Variants in LMNTD2 observed in about 807,000 individuals in gnomAD.
LMNTD2 encodes lamin tail domain containing 2, also known as lamin tail domain-containing protein 2.
Under a neutral mutation model 70.1 loss-of-function variants are expected in LMNTD2, and 83 were observed. The ratio of observed to expected loss-of-function variants is 1.18; its 90% CI spans 0.99 to 1.42. The LOEUF (loss-of-function observed/expected upper bound fraction) is 1.42. Ranked by LOEUF, LMNTD2 falls within the 40% of genes most tolerant of loss-of-function variation. LMNTD2 has a pLI of 0.00. For missense variants in LMNTD2, 1,153 were observed against 905.9 expected, an observed-to-expected ratio of 1.27 and a Z score of -3.50; for synonymous variants, 534 against 406.1, an observed-to-expected ratio of 1.31 and a Z score of -3.79.
rs972977314 is a variant in LMNTD2 at position 556,188 on chromosome 11, G to A, written c.1257+4C>T. ...CGGGGCCGGGCTCCCGGGCCGGGGC[G>A]CACCGTGACGTGGTGCCGCGGGGCC... On this transcript the variant is annotated splice_donor_region_variant and intron_variant, in intron 10 of 13. Transcript: ENST00000329451. 7.3e-7 allele frequency: 1 copy of A among 1,378,836 alleles called. No individual in the cohort carries two copies. The highest frequency in any genetic ancestry group is 9.3e-7 in the Non-Finnish European group (1 of 1,073,722). The allele number at this position is 1,378,836 out of a possible 1,614,324, so 85.4% of individuals were successfully genotyped here.
Position 556,392 on chromosome 11 carries a change from C to A in LMNTD2, c.1074-17G>T. On this transcript the variant is annotated splice_polypyrimidine_tract_variant and intron_variant, in intron 9 of 13. Coordinates refer to ENST00000329451, the MANE Select transcript of LMNTD2 (RefSeq NM_173573.3). ...CCTGTCGGGCTGGGAAGAGAGGAGA[C>A]GCTGTGAGGAGATGCGGCCGGTCCA... is the stretch of plus-strand genomic sequence containing the variant. 1 of 1,537,806 alleles carries A rather than the reference C, an allele frequency of 6.5e-7. No individual in the cohort carries two copies. Among genetic ancestry groups the A allele is most frequent in the Non-Finnish European group, 8.7e-7 (1 of 1,145,622 alleles).
At position 557,070 on chromosome 11, in the gene LMNTD2, G is replaced by C; in HGVS notation, c.741C>G (p.Asp247Glu). Residue 247 changes from aspartate (D) to glutamate (E), a missense_variant, in exon 8 of 14, where the codon GAC becomes GAG. Asp to Glu is a conservative substitution (Grantham distance 45, BLOSUM62 2). Coordinates refer to ENST00000329451, the MANE Select transcript of LMNTD2 (RefSeq NM_173573.3). ...QKQPRPWPQLDTGSPESSGKH... is the reference protein window; with the variant it reads ...QKQPRPWPQLETGSPESSGKH... The stretch of plus-strand genomic sequence containing the variant: ...TTCCAGAGGACTCTGGGCTCCCTGT[G>C]TCCAGCTGTGGCCAGGGCCGGGGCT... The C allele has an allele frequency of 6.2e-7, 1 of 1,604,448 alleles. No homozygotes were observed. Among genetic ancestry groups the C allele is most frequent in the Non-Finnish European group, 8.5e-7 (1 of 1,176,178 alleles).
At chr11:558,361 AG>A (rs1429302513) in intron 3 of LMNTD2, 113 bp from the exon 4 acceptor site, 2 of 1,272,550 alleles carry the variant, frequency 1.6e-6, no homozygotes, top group Non-Finnish European at 2.2e-6. Flanking sequence ...CTTGGCCCCA[AG>A]GGCACACAGT....
Position 557,988 on chromosome 11 carries a change from C to T in LMNTD2, c.451G>A (p.Glu151Lys), listed in dbSNP as rs1212389087. Reference protein sequence around the residue: ...RLLQTTRTLQEMEAELQNLQK... With the variant: ...RLLQTTRTLQKMEAELQNLQK... ...AAGTTCTGCAGCTCGGCCTCCATCTCCTGGAGCGTGCGGGTGGTCTGCAGC... is the reference window on the plus strand; with the variant it reads ...AAGTTCTGCAGCTCGGCCTCCATCTTCTGGAGCGTGCGGGTGGTCTGCAGC... The change falls in exon 5 of 14, where the codon GAG becomes AAG. Residue 151 changes from glutamate to lysine, a missense_variant. By Grantham distance (56) the Glu-to-Lys change is moderately conservative. Coordinates refer to ENST00000329451, the MANE Select transcript of LMNTD2 (RefSeq NM_173573.3). 6.2e-7 allele frequency: 1 copy of T among 1,600,314 alleles called. No homozygotes were observed. Among genetic ancestry groups the T allele is most frequent in the Admixed American group, 1.7e-5 (1 of 59,188 alleles).
At chr11:557,360 C>T (rs754384425) in intron 7 of LMNTD2, 39 bp downstream of exon 7, 4 of 1,558,326 alleles carry the variant, frequency 2.6e-6, no homozygotes, top group South Asian at 2.3e-5. Context: ...GTGAGCCCTC[C>T]CTTCTGGCCC....
At chr11:560,443 T>C in intron 1 of LMNTD2, 2 of 1,248,630 alleles carry the variant, frequency 1.6e-6, no homozygotes, top group Non-Finnish European at 2.0e-6. Flanking sequence ...TCCGCAGGGC[T>C]CCACCTCCCT....
intron 1 of LMNTD2, chr11:559,366 CAGG>C: frequency 7.5e-7 from 1 of 1,336,360 alleles, no homozygotes; most frequent in Non-Finnish European, 9.9e-7. Flanking sequence ...GACCTCCAAG[CAGG>C]CCTGGGAGGG....
At chr11:557,331 T>C in intron 7 of LMNTD2, 68 bp downstream of exon 7, 1 of 1,513,200 alleles carries the variant, frequency 6.6e-7, no homozygotes, top group Non-Finnish European at 9.0e-7. Context: ...TTTAGTGTCC[T>C]GCGTCTTCAC....
At chr11:559,928 G>T in intron 1 of LMNTD2, 1 of 249,670 alleles carries the variant, frequency 4.0e-6, no homozygotes, top group South Asian at 1.0e-4. Context: ...GCCAGGCCCA[G>T]CCCACAGCTC....
chr11:555,434 G>C lies in LMNTD2; in HGVS notation c.1644C>G (p.Pro548=). The change falls in exon 13 of 14, where the codon CCC becomes CCG. Residue 548 remains proline, a synonymous_variant. Coordinates refer to ENST00000329451, the MANE Select transcript of LMNTD2 (RefSeq NM_173573.3). ...LFHAREGPAR[P]ENPEIPAPQH... The stretch of plus-strand genomic sequence containing the variant: ...GCGGCGCGGGGATCTCGGGGTTCTC[G>C]GGCCGCGCAGGCCCCTCCCGCGCGT... 2 of 1,393,684 alleles carry C rather than the reference G, an allele frequency of 1.4e-6. No homozygotes were observed. Among genetic ancestry groups the C allele is most frequent in the Non-Finnish European group, 1.9e-6 (2 of 1,080,756 alleles). The allele number at this position is 1,393,684 out of a possible 1,614,324, so 86.3% of individuals were successfully genotyped here.
At chr11:555,596 G>A in intron 12 of LMNTD2, 93 bp from the exon 13 acceptor site, 1 of 1,266,888 alleles carries the variant, frequency 7.9e-7, no homozygotes. Context: ...GCCGCGGGGC[G>A]TACTGGAGGA....
chr11:556,090 G>C lies in LMNTD2; in HGVS notation c.1283C>G (p.Ala428Gly). 6.5e-7 allele frequency: 1 copy of C among 1,532,284 alleles called. No individual in the cohort carries two copies. The highest frequency in any genetic ancestry group is 8.7e-7 in the Non-Finnish European group (1 of 1,150,520). The allele number at this position is 1,532,284 out of a possible 1,614,324, so 94.9% of individuals were successfully genotyped here. ...VTVWGEATRS[A>G]KKPLRASSSR... Reference sequence around the variant, plus strand: ...CGAGGACGCGCGCAGCGGCTTCTTGGCGCTGCGGGTCGCCTCGCCCCAGAC... The same window carrying C: ...CGAGGACGCGCGCAGCGGCTTCTTGCCGCTGCGGGTCGCCTCGCCCCAGAC... Residue 428 changes from alanine to glycine, a missense_variant, in exon 11 of 14, where the codon GCC becomes GGC. By Grantham distance (60) the Ala-to-Gly change is moderately conservative (BLOSUM62 0). Coordinates refer to ENST00000329451, the MANE Select transcript of LMNTD2 (RefSeq NM_173573.3).
chr11:557,286 G>A, intron 7 of LMNTD2, 113 bp downstream of exon 7: 1 of 1,410,468 alleles, frequency 7.1e-7, no homozygotes, highest in Non-Finnish European at 9.7e-7. Flanking sequence ...GCATTGGAAG[G>A]TTTAAGAGAC....
intron 8 of LMNTD2, 109 bp downstream of exon 8, chr11:556,726 C>T: frequency 7.0e-7 from 1 of 1,433,770 alleles, no homozygotes; most frequent in South Asian, 1.5e-5. Context: ...GGAAAGGTGG[C>T]TGGACCTTGG....
At position 556,602 on chromosome 11, in the gene LMNTD2, CG is replaced by C. The variant is rs777367275; in HGVS notation, c.977-15del. 26 of 1,505,702 alleles carry C rather than the reference CG, an allele frequency of 1.7e-5. 1 individual carries two copies. In the Middle Eastern group the frequency reaches 5.2e-4, roughly 30 times the overall value. 93.3% of individuals were successfully genotyped at this position (1,505,702 alleles called of 1,614,324 possible). A position where few individuals can be genotyped will look rare whatever the true frequency, so the allele number is the denominator to read the frequency against. On this transcript the variant is annotated splice_polypyrimidine_tract_variant and intron_variant, in intron 8 of 13. Transcript: ENST00000329451. Reference sequence around the variant, plus strand: ...TTTTCTGGAGATCTAGAGAGAGCAGCGCTTTTGGGGAGGGGACCCTCGAATG... The same window carrying C: ...TTTTCTGGAGATCTAGAGAGAGCAGCCTTTTGGGGAGGGGACCCTCGAATG...
rs549422840 is a variant in LMNTD2, at chr11:556,017, C to T, written c.1356G>A (p.Leu452=). Residue 452 remains leucine (L), a synonymous_variant, in exon 11 of 14, where the codon CTG becomes CTA. Coordinates refer to ENST00000329451, the MANE Select transcript of LMNTD2 (RefSeq NM_173573.3). ...PLLSIRGCAT[L]LLSPKGEVLS... ...CGACCTCGCCCTTGGGGCTCAGGAG[C>T]AGCGTCGCGCAGCCGCGGATGGAGA... is the stretch of plus-strand genomic sequence containing the variant. 3 of 1,557,542 alleles carry T rather than the reference C, an allele frequency of 1.9e-6. No homozygotes were observed. The South Asian group carries it at 3.4e-5, about 18-fold the overall frequency.
At chr11:559,539 C>CG (rs1853147888) in intron 1 of LMNTD2, 1 of 1,229,688 alleles carries the variant, frequency 8.1e-7, no homozygotes, top group Admixed American at 2.7e-5. Context: ...CTCAGCTTAG[C>CG]GGGGGGACCA....
Position 559,701 on chromosome 11 carries a change from G to C in LMNTD2, c.35-722C>G. ...GCAGACAGGTAACAGTGACAAGCTG[G>C]GGACTGTGCTGAACGCTAACTGGCA... On this transcript the variant is annotated intron_variant, in intron 1 of 13. Transcript: ENST00000329451. 6.9e-6 allele frequency: 8 copies of C among 1,161,362 alleles called. No individual in the cohort carries two copies. The South Asian group carries it at 1.4e-4, about 20-fold the overall frequency. 71.9% of individuals were successfully genotyped at this position (1,161,362 alleles called of 1,614,324 possible).
chr11:559,754 T>C (rs1853159606), intron 1 of LMNTD2: 1 of 1,052,256 alleles, frequency 9.5e-7, no homozygotes, highest in Non-Finnish European at 1.2e-6. Context: ...ACAGCCTGTT[T>C]TTAAATTAAT....
Sources: gnomAD v4.1 joint callset for allele counts on GRCh38, gnomAD v4.1.1 for gene constraint, MANE v1.5 for transcripts, NCBI Gene and HGNC (gene_info 2026-07-23, HGNC 2026-07-21) for gene names.